GRID2: variants seen among roughly 807,000 people sequenced by gnomAD.
The protein encoded by GRID2 is glutamate receptor ionotropic, delta-2.
A neutral mutation model predicts 114.8 loss-of-function variants in GRID2; 33 were observed. That is an observed-to-expected ratio of 0.29 (90% CI 0.22 to 0.38). The LOEUF (loss-of-function observed/expected upper bound fraction) is 0.38. GRID2 is among the 10% of genes least tolerant of loss of function. GRID2 has a pLI of 1.00. For synonymous variants in GRID2, 505 were observed against 449.9 expected (o/e 1.12, Z -1.55); for missense variants, 1,184 against 1,257.7 (o/e 0.94, Z 0.89).
At chr4:93,530,464 G>A (rs573304533) in intron 13 of GRID2, among the ~76,000 whole-genome samples, 1 of 152,042 alleles carries the variant, frequency 6.6e-6, no homozygotes, top group Admixed American at 6.6e-5. Context: ...ACTCTGCAAT[G>A]TTCTTACATA....
intron 2 of GRID2, among the ~76,000 whole-genome samples, chr4:92,629,928 A>G (rs1305045079): frequency 6.8e-6 from 1 of 147,890 alleles, no homozygotes; most frequent in Non-Finnish European, 1.5e-5. Flanking sequence ...TATATTATAA[A>G]TTATATATTT....
At chr4:92,827,676 T>C (rs564355820) in intron 2 of GRID2, among the ~76,000 whole-genome samples, 1 of 152,188 alleles carries the variant, frequency 6.6e-6, no homozygotes, top group Non-Finnish European at 1.5e-5. Flanking sequence ...TTGCATCTGA[T>C]GCCCTTAAGA....
At chr4:92,460,031 A>ACTCTCTCTCTCTCT (rs1386723845) in intron 1 of GRID2, among the ~76,000 whole-genome samples, 9 of 11,150 alleles carry the variant, frequency 8.1e-4, no homozygotes, top group African/African-American at 4.8e-3. Flanking sequence ...AATAAATCTC[A>ACTCTCTCTCTCTCT]CTATATATAT....
chr4:93,593,900 G>C (rs371128374), intron 13 of GRID2, among the ~76,000 whole-genome samples: 4,187 of 151,228 alleles, frequency 0.028, 84 homozygotes, highest in East Asian at 0.057. Flanking sequence ...TGGTTTTCAG[G>C]TCCATCAGCT....
chr4:93,532,330 T>C (rs1731529906), intron 13 of GRID2, among the ~76,000 whole-genome samples: 1 of 151,994 alleles, frequency 6.6e-6, no homozygotes, highest in African/African-American at 2.4e-5. Context: ...CAGGAAAGAG[T>C]AGCTACTCAC....
chr4:92,373,538 C>T lies in GRID2; in HGVS notation c.88+68794C>T, dbSNP rs755493200. Among the ~76,000 whole-genome samples the T allele has an allele frequency of 2.6e-5, 4 of 152,192 alleles. No individual in the cohort carries two copies. In the East Asian group the frequency reaches 7.7e-4, roughly 29 times the overall value. ...GTGTAATGGCAAATACTTCTAACTA[C>T]AAATGTCACGACAAAATAATTTCAT... On this transcript the variant is annotated intron_variant, in intron 1 of 15. Transcript: ENST00000282020.
At chr4:92,725,602 T>A (rs1347745581) in intron 2 of GRID2, among the ~76,000 whole-genome samples, 1 of 152,074 alleles carries the variant, frequency 6.6e-6, no homozygotes, top group Non-Finnish European at 1.5e-5. Context: ...GAAGCGTCAG[T>A]TTGTAAAATG....
intron 8 of GRID2, among the ~76,000 whole-genome samples, chr4:93,356,457 G>A (rs527953931): frequency 3.3e-5 from 5 of 151,020 alleles, no homozygotes; most frequent in South Asian, 2.1e-4. Flanking sequence ...CTAATTTTTG[G>A]TGTCTGCTTT....
downstream of GRID2, among the ~76,000 whole-genome samples, chr4:93,774,991 C>T (rs563824141): frequency 1.3e-5 from 2 of 152,018 alleles, no homozygotes; most frequent in Middle Eastern, 3.4e-3. Flanking sequence ...GAGAATTATT[C>T]GTCATGCTGA....
chr4:92,344,365 T>C (rs1727660578), intron 1 of GRID2, among the ~76,000 whole-genome samples: 1 of 152,206 alleles, frequency 6.6e-6, no homozygotes, highest in Non-Finnish European at 1.5e-5. Flanking sequence ...AATTCTTAAC[T>C]AACCACTTTC....
intron 1 of GRID2, among the ~76,000 whole-genome samples, chr4:92,588,678 CA>C (rs1209254541): frequency 0.012 from 814 of 70,278 alleles, 3 homozygotes; most frequent in African/African-American, 0.035. Context: ...GACTCCGTCT[CA>C]AAAAAAAAAA....
intron 13 of GRID2, among the ~76,000 whole-genome samples, chr4:93,564,776 GAAAGAT>G (rs200271786): frequency 0.016 from 2,459 of 152,062 alleles, 25 homozygotes; most frequent in Non-Finnish European, 0.024. Context: ...AGCAGGGAGA[GAAAGAT>G]AAAGAAGGGT....
chr4:92,916,261 G>C (rs906370185), intron 2 of GRID2, among the ~76,000 whole-genome samples: 11 of 152,012 alleles, frequency 7.2e-5, no homozygotes, highest in African/African-American at 2.7e-4. Context: ...ATAAGGAAGG[G>C]TTCCAGTTTC....
chr4:93,542,431 CA>C (rs1732744098), intron 13 of GRID2, among the ~76,000 whole-genome samples: 1 of 152,152 alleles, frequency 6.6e-6, no homozygotes, highest in Non-Finnish European at 1.5e-5. Context: ...ATAACTCCAA[CA>C]AATAGCCAAC....
intron 8 of GRID2, among the ~76,000 whole-genome samples, chr4:93,274,029 A>G (rs919109281): frequency 1.7e-4 from 23 of 137,232 alleles, no homozygotes; most frequent in African/African-American, 5.7e-4. Flanking sequence ...CTTTATGATT[A>G]GCATCTTTGA....
At chr4:92,607,793 G>A (rs995706541) in intron 2 of GRID2, among the ~76,000 whole-genome samples, 3 of 151,876 alleles carry the variant, frequency 2.0e-5, no homozygotes, top group Non-Finnish European at 4.4e-5. Context: ...CACTGAGGTA[G>A]AATTAGCGAA....
intron 8 of GRID2, among the ~76,000 whole-genome samples, chr4:93,333,871 C>G (rs555429675): frequency 7.5e-6 from 1 of 133,990 alleles, no homozygotes; most frequent in South Asian, 2.3e-4. Context: ...CAAGGAGAAC[C>G]TAAAAAAAAA....
intron 4 of GRID2, among the ~76,000 whole-genome samples, chr4:93,156,463 G>A (rs968341939): frequency 2.0e-5 from 3 of 151,638 alleles, no homozygotes; most frequent in East Asian, 1.9e-4. Flanking sequence ...ATAGATGGGC[G>A]TGCTCAAATG....
intron 2 of GRID2, among the ~76,000 whole-genome samples, chr4:92,652,214 C>CCA (rs1731968504): frequency 6.6e-6 from 1 of 151,936 alleles, no homozygotes; most frequent in African/African-American, 2.4e-5. Flanking sequence ...TGATGCCTGC[C>CCA]CACACTGGTG....
Sources: allele counts gnomAD v4.1 joint callset (sites outside exome capture counted in the v4.1 genomes callset), GRCh38; gene constraint gnomAD v4.1.1; transcripts MANE v1.5; gene names NCBI Gene and HGNC (gene_info 2026-07-23, HGNC 2026-07-21).